MNS1: variants seen among roughly 807,000 people sequenced by gnomAD.
MNS1 encodes the protein meiosis-specific nuclear structural protein 1.
MNS1 carries 63 observed loss-of-function variants against 72.0 expected under a neutral mutation model. The ratio of observed to expected loss-of-function variants is 0.87; its 90% CI spans 0.71 to 1.08. The LOEUF (loss-of-function observed/expected upper bound fraction) is 1.08, where lower values mean the gene tolerates loss of function less well. Among genes scored for constraint, MNS1 ranks in the 50% least tolerant of loss-of-function variants. The probability of loss-of-function intolerance (pLI) is 0.00; values close to 1 mark genes in which losing one functional copy is unlikely to be tolerated. For synonymous variants in MNS1, 188 were observed against 172.1 expected (o/e 1.09, Z -0.72); for missense variants, 604 against 562.4 (o/e 1.07, Z -0.75).
chr15:56,464,015 G>A lies in MNS1; in HGVS notation c.225+11C>T. 6.3e-7 allele frequency: 1 copy of A among 1,593,778 alleles called. No homozygotes were observed. The highest frequency in any genetic ancestry group is 8.5e-7 in the Non-Finnish European group (1 of 1,169,704). ...ATGAAAAAAAAAGTAACAATGAATAGTAAAACTTACCTTTTGAATGGCCTC... is the reference window on the plus strand; with the variant it reads ...ATGAAAAAAAAAGTAACAATGAATAATAAAACTTACCTTTTGAATGGCCTC... On this transcript the variant is annotated intron_variant, in intron 2 of 9. Coordinates refer to ENST00000260453, the MANE Select transcript of MNS1 (RefSeq NM_018365.4).
Position 56,446,943 on chromosome 15 carries a change from G to A in MNS1, c.354C>T (p.Ser118=), listed in dbSNP as rs1250972150. 2 of 1,602,782 alleles carry A rather than the reference G, an allele frequency of 1.2e-6. No homozygotes were observed. Among genetic ancestry groups the A allele is most frequent in the South Asian group, 1.1e-5 (1 of 90,638 alleles). Residue 118 remains serine, a splice_region_variant and synonymous_variant, in exon 4 of 10, where the codon AGC becomes AGT. Coordinates refer to ENST00000260453, the MANE Select transcript of MNS1 (RefSeq NM_018365.4). ...EKMRQQVREN[S]IELRELEKKL... is the part of the protein sequence containing the mutation. The stretch of plus-strand genomic sequence containing the variant: ...TCTTCTCCAATTCTCTAAGCTCAAT[G>A]CTGTTTAAAAAAACAAAAACAAATT...
In MNS1 at chr15:56,464,038, C is replaced by T. The variant is rs777313093; in HGVS notation, c.213G>A (p.Glu71=). 7.5e-6 allele frequency: 12 copies of T among 1,608,878 alleles called. No individual in the cohort carries two copies. In the East Asian group the frequency reaches 1.3e-4, roughly 18 times the overall value. ...TAGTAAAACTTACCTTTTGAATGGC[C>T]TCTTCCATATCCAACTCAAATTGTT... ...QNEQFELDME[E]AIQKAEENKR... Residue 71 remains glutamate (E), a synonymous_variant, in exon 2 of 10, where the codon GAG becomes GAA. Transcript: ENST00000260453.
chr15:56,450,478 T>C (rs2050940240), intron 3 of MNS1, among the ~76,000 whole-genome samples: 1 of 152,196 alleles, frequency 6.6e-6, no homozygotes, highest in Non-Finnish European at 1.5e-5. Context: ...TTGCCTATTC[T>C]AGATAGTTCA....
At chr15:56,435,464 C>G (rs2050706096) in intron 7 of MNS1, among the ~76,000 whole-genome samples, 1 of 151,604 alleles carries the variant, frequency 6.6e-6, no homozygotes, top group Non-Finnish European at 1.5e-5. Flanking sequence ...AAACAAATAA[C>G]TAATATCAGG....
chr15:56,433,548 G>A (rs2050656910), intron 8 of MNS1, among the ~76,000 whole-genome samples: 3 of 151,906 alleles, frequency 2.0e-5, no homozygotes, highest in Non-Finnish European at 4.4e-5. Context: ...AACATCTCTC[G>A]GGTGGATCCC....
intron 9 of MNS1, chr15:56,429,915 G>A (rs1247593921): frequency 2.0e-5 from 3 of 152,032 alleles, no homozygotes; most frequent in Admixed American, 6.6e-5. Flanking sequence ...CCCAAAGAAA[G>A]ACATTCCTAC....
chr15:56,439,777 AAC>A (rs755190091), intron 7 of MNS1, among the ~76,000 whole-genome samples: 15 of 150,666 alleles, frequency 1.0e-4, no homozygotes, highest in Admixed American at 4.6e-4. Flanking sequence ...AAAAAAACAA[AAC>A]ACACACACAC....
Position 56,443,853 on chromosome 15 carries a change from C to G in MNS1, c.688G>C (p.Glu230Gln), listed in dbSNP as rs754190232. ...ATTTTTTCTAACTTTTGTTGTTTTT[C>G]CCTGAAAAGCAATAACAAGTACAGA... Reference protein sequence around the residue: ...VRKIYEEDQLEKQQKLEKMNA... With the variant: ...VRKIYEEDQLQKQQKLEKMNA... Residue 230 changes from glutamate to glutamine, a missense_variant and splice_region_variant, in exon 6 of 10, where the codon GAA (glutamate) becomes CAA (glutamine). By Grantham distance (29) the Glu-to-Gln change is conservative. Coordinates refer to ENST00000260453, the MANE Select transcript of MNS1 (RefSeq NM_018365.4). The G allele has an allele frequency of 6.3e-7, 1 of 1,592,322 alleles. No individual in the cohort carries two copies. The highest frequency in any genetic ancestry group is 1.4e-5 in the African/African-American group (1 of 73,744).
chr15:56,441,415 A>G (rs2050812154), intron 7 of MNS1, among the ~76,000 whole-genome samples: 1 of 152,130 alleles, frequency 6.6e-6, no homozygotes, highest in Non-Finnish European at 1.5e-5. Flanking sequence ...ATTGCTTTCA[A>G]TACGATATCC....
At chr15:56,444,940 CAATG>C (rs2050881881) in intron 4 of MNS1, among the ~76,000 whole-genome samples, 1 of 152,008 alleles carries the variant, frequency 6.6e-6, no homozygotes, top group South Asian at 2.1e-4. Flanking sequence ...ATTCAAAAAA[CAATG>C]AATACAATTG....
At chr15:56,459,059 T>C (rs1469269158) in intron 2 of MNS1, among the ~76,000 whole-genome samples, 2 of 152,224 alleles carry the variant, frequency 1.3e-5, no homozygotes, top group African/African-American at 4.8e-5. Flanking sequence ...CACTCCAGAA[T>C]GTTTACATCA....
At chr15:56,462,951 C>A (rs1168042437) in intron 2 of MNS1, among the ~76,000 whole-genome samples, 1 of 151,598 alleles carries the variant, frequency 6.6e-6, no homozygotes, top group African/African-American at 2.4e-5. Context: ...TGTGCTTTCT[C>A]AGAGTTAAAA....
rs771414328 is a variant in MNS1, at chr15:56,434,303, T to G, written c.1104A>C (p.Ala368=). 1.2e-6 allele frequency: 2 copies of G among 1,613,972 alleles called. No individual in the cohort carries two copies. Among genetic ancestry groups the G allele is most frequent in the Non-Finnish European group, 1.7e-6 (2 of 1,179,922 alleles). The change falls in exon 8 of 10, where the codon GCA becomes GCC. Residue 368 remains alanine, a synonymous_variant. Transcript: ENST00000260453. ...MALKELVLQA[A]KEEEENFRKT... ...TTCTAAAGTTCTCCTCTTCCTCTTT[T>G]GCAGCCTGTAGCACTAATTCCTTCA... is the stretch of plus-strand genomic sequence containing the variant.
chr15:56,429,416 A>T lies in MNS1; in HGVS notation c.1396-223T>A, dbSNP rs1437692166. 1.0e-5 allele frequency: 4 copies of T among 400,770 alleles called. No individual in the cohort carries two copies. The Admixed American group carries it at 1.5e-4, about 15-fold the overall frequency. The allele number at this position is 400,770 out of a possible 1,614,324, so 24.8% of individuals were successfully genotyped here. On this transcript the variant is annotated intron_variant, in intron 9 of 9. Transcript: ENST00000260453. ...CCCAATTTTCTGATTTATCAGCTCT[A>T]GTGTAGGAGCTTTTCATAGGAATCT...
intron 7 of MNS1, among the ~76,000 whole-genome samples, chr15:56,435,474 G>A (rs982780881): frequency 2.6e-5 from 4 of 151,652 alleles, no homozygotes; most frequent in African/African-American, 9.7e-5. Flanking sequence ...CTAATATCAG[G>A]AATAAAACAT....
In MNS1 at chr15:56,461,682, A is replaced by C. The variant is rs908880040; in HGVS notation, c.225+2344T>G. ...TCTCAAAAAAAAAAAAAAAAAAAAA[A>C]CGACACAGAGGCAATATAAAAGGGC... On this transcript the variant is annotated intron_variant, in intron 2 of 9. Coordinates refer to ENST00000260453, the MANE Select transcript of MNS1 (RefSeq NM_018365.4). Among the ~76,000 whole-genome samples the C allele has an allele frequency of 1.4e-4, 20 of 146,222 alleles. No homozygotes were observed. In the South Asian group the frequency reaches 3.5e-3, roughly 26 times the overall value.
rs1357592721 is a variant in MNS1, at chr15:56,446,863, T to A, written c.434A>T (p.Asp145Val). Residue 145 changes from aspartate (D) to valine (V), a missense_variant, in exon 4 of 10, where the codon GAT (aspartate) becomes GTT (valine). Physicochemically the swap from Asp to Val is radical, Grantham distance 152. Transcript: ENST00000260453. ...TACCATTTGTTCATATTTAATGGCA[T>A]CCTTTTCAGCAATCTGAGCTGCCCT... is the stretch of plus-strand genomic sequence containing the variant. ...KERAAQIAEK[D>V]AIKYEQMKRD... The A allele has an allele frequency of 2.5e-6, 4 of 1,609,704 alleles. No individual in the cohort carries two copies. The highest frequency in any genetic ancestry group is 4.5e-5 in the East Asian group (2 of 44,714).
Position 56,456,519 on chromosome 15 carries a change from T to G in MNS1, c.228A>C (p.Ala76=). The change falls in exon 3 of 10, where the codon GCA becomes GCC. Residue 76 remains alanine, a splice_region_variant and synonymous_variant. Coordinates refer to ENST00000260453, the MANE Select transcript of MNS1 (RefSeq NM_018365.4). The stretch of plus-strand genomic sequence containing the variant: ...GTTCTTTCAATCTCTTGTTTTCTTC[T>G]GCCTGAACGAAAAATTTAACTTCGT... ...ELDMEEAIQK[A]EENKRLKELQ... is the part of the protein sequence containing the mutation. 1 of 1,606,758 alleles carries G rather than the reference T, an allele frequency of 6.2e-7. No individual in the cohort carries two copies. Among genetic ancestry groups the G allele is most frequent in the South Asian group, 1.1e-5 (1 of 88,514 alleles).
intron 7 of MNS1, among the ~76,000 whole-genome samples, chr15:56,436,711 A>C (rs1333325260): frequency 6.6e-6 from 1 of 152,140 alleles, no homozygotes; most frequent in African/African-American, 2.4e-5. Flanking sequence ...GACCGCTAGC[A>C]AGACTCATAA....
Sources: allele counts gnomAD v4.1 joint callset (sites outside exome capture counted in the v4.1 genomes callset), GRCh38; gene constraint gnomAD v4.1.1; transcripts MANE v1.5; gene names NCBI Gene and HGNC (gene_info 2026-07-23, HGNC 2026-07-21).